Variants in VWF observed in about 807,000 individuals in gnomAD.
The protein encoded by VWF is von Willebrand factor.
In VWF, 176 loss-of-function variants were observed where a neutral mutation model predicts 308.6. That is an observed-to-expected ratio of 0.57 (90% CI 0.50 to 0.65). The LOEUF (loss-of-function observed/expected upper bound fraction) is 0.65, where lower values mean the gene tolerates loss of function less well. Among genes scored for constraint, VWF ranks in the 30% least tolerant of loss-of-function variants. The pLI is 0.00. For synonymous variants in VWF, 1,385 were observed against 1,443.4 expected (o/e 0.96, Z 0.92); for missense variants, 3,146 against 3,648.2 (o/e 0.86, Z 3.55).
In VWF at chr12:6,034,766, C is replaced by T. The variant is rs762512650; in HGVS notation, c.2607G>A (p.Thr869=). ...AGGTGAGGTAGTGGGCCATGCCGAT[C>T]GTGGAGCACGTGGCATCACACACAT... The part of the protein sequence containing the change: ...TDHVCDATCS[T]IGMAHYLTFD... The change falls in exon 20 of 52, where the codon ACG becomes ACA. Residue 869 remains threonine (T), a synonymous_variant. Coordinates refer to ENST00000261405, the MANE Select transcript of VWF (RefSeq NM_000552.5). 5 of 1,614,198 alleles carry T rather than the reference C, an allele frequency of 3.1e-6. No individual in the cohort carries two copies. The highest frequency in any genetic ancestry group is 1.1e-5 in the South Asian group (1 of 91,082).
rs553232584 is a variant in VWF, at chr12:6,036,256, C to T, written c.2546+132G>A. 8.0e-4 allele frequency: 602 copies of T among 754,884 alleles called. 3 individuals carry two copies. The highest frequency in any genetic ancestry group is 1.1e-3 in the Admixed American group (55 of 50,666). 46.8% of individuals were successfully genotyped at this position (754,884 alleles called of 1,614,324 possible). A position where few individuals can be genotyped will look rare whatever the true frequency, so the allele number is the denominator to read the frequency against. On this transcript the variant is annotated intron_variant, in intron 19 of 51. Coordinates refer to ENST00000261405, the MANE Select transcript of VWF (RefSeq NM_000552.5). ...TTTTACAGATGGAGAAACACAGGCA[C>T]GGAGGAAAGGCAGAGAGTAACCAGG... is the stretch of plus-strand genomic sequence containing the variant.
At chr12:5,974,528 A>T (rs970814520) in intron 43 of VWF, among the ~76,000 whole-genome samples, 1 of 152,204 alleles carries the variant, frequency 6.6e-6, no homozygotes, top group Non-Finnish European at 1.5e-5. Flanking sequence ...TGAACTGGAC[A>T]GCGGACCCGA....
intron 47 of VWF, among the ~76,000 whole-genome samples, chr12:5,961,647 G>A (rs2136347217): frequency 1.4e-5 from 2 of 141,106 alleles, no homozygotes. Flanking sequence ...CAAGGCTGAA[G>A]AATACAAGAT....
At chr12:5,954,008 TGA>T (rs1943221755) in intron 47 of VWF, 2 of 220,772 alleles carry the variant, frequency 9.1e-6, no homozygotes, top group Admixed American at 1.0e-4. Flanking sequence ...ACAAGAAATC[TGA>T]GAGTTATCCT....
At position 6,020,014 on chromosome 12, in the gene VWF, A is replaced by G. The variant is rs1297735767; in HGVS notation, c.3675-271T>C. The stretch of plus-strand genomic sequence containing the variant: ...TTAGCCCATCCTAGGATATGAAAAA[A>G]TATACTCGTTGTTCTAGGCCATCCA... On this transcript the variant is annotated intron_variant, in intron 27 of 51. Coordinates refer to ENST00000261405, the MANE Select transcript of VWF (RefSeq NM_000552.5). The surrounding 1 kb of genome is among the most constrained non-coding windows in gnomAD (Gnocchi z 4.3). 6.6e-6 allele frequency among the ~76,000 whole-genome samples: 1 copy of G among 152,236 alleles called. No homozygotes were observed. The highest frequency in any genetic ancestry group is 6.5e-5 in the Admixed American group (1 of 15,286).
chr12:6,034,050 C>T (rs1247030585), intron 20 of VWF, among the ~76,000 whole-genome samples: 1 of 152,254 alleles, frequency 6.6e-6, no homozygotes, highest in African/African-American at 2.4e-5. Flanking sequence ...GGGGCTGCTG[C>T]CCACACTCAC....
intron 41 of VWF, among the ~76,000 whole-genome samples, chr12:5,982,628 G>T (rs892695734): frequency 6.6e-6 from 1 of 152,126 alleles, no homozygotes. Flanking sequence ...GGACAAGAAC[G>T]CCAACGGAGT....
intron 50 of VWF, 148 bp downstream of exon 50, chr12:5,951,696 C>T: frequency 1.1e-6 from 1 of 899,886 alleles, no homozygotes; most frequent in Non-Finnish European, 1.8e-6. Context: ...AATGACTGAC[C>T]AGTGGTCACG....
chr12:5,953,676 C>T, intron 47 of VWF, 82 bp from the exon 48 acceptor site: 5 of 1,091,286 alleles, frequency 4.6e-6, no homozygotes, highest in East Asian at 4.7e-5. Flanking sequence ...TTGCTGGCCT[C>T]TCATCTCTCT....
rs61749404 is a variant in VWF at position 6,019,394 on chromosome 12, G to A, written c.4024C>T (p.Arg1342Cys). Residue 1342 changes from arginine to cysteine, a missense_variant, in exon 28 of 52, where the codon CGC (arginine) becomes TGC (cysteine). Around this residue, in one of 3 missense-constraint regions of VWF, gnomAD observed 853 missense variants for 1,177.8 expected, o/e 0.72. Transcript: ENST00000261405. This position sits in a 1 kb window ranked among gnomAD's most constrained non-coding sequence, Gnocchi z 5.8. Reference protein sequence around the residue: ...KDRKRPSELRRIASQVKYAGS... With the variant: ...KDRKRPSELRCIASQVKYAGS... ...GCATACTTCACCTGGCTGGCAATGC[G>A]CCGCAGCTCTGACGGTCGCTTCCGG... is the stretch of plus-strand genomic sequence containing the variant. The A allele has an allele frequency of 5.7e-5, 92 of 1,613,950 alleles. No individual in the cohort carries two copies. In the African/African-American group the frequency reaches 8.3e-4, roughly 14 times the overall value.
rs749720005 is a variant in VWF at position 5,983,199 on chromosome 12, G to A, written c.7032C>T (p.Leu2344=). 26 of 1,614,014 alleles carry A rather than the reference G, an allele frequency of 1.6e-5. No individual in the cohort carries two copies. The highest frequency in any genetic ancestry group is 4.4e-5 in the South Asian group (4 of 91,068). Residue 2344 remains leucine (L), a synonymous_variant, in exon 41 of 52, where the codon CTC becomes CTT. Transcript: ENST00000261405. ...CGCCAGGGTTGGTCAGTGTGGGCTG[G>A]AGGCCACGTTCACAGTGAGGCACTG... The part of the protein sequence containing the change: ...LPPVPHCERG[L]QPTLTNPGEC...
chr12:6,117,708 G>A (rs568303746), intron 3 of VWF, among the ~76,000 whole-genome samples: 1 of 152,248 alleles, frequency 6.6e-6, no homozygotes, highest in South Asian at 2.1e-4. Flanking sequence ...CCAGCTACTC[G>A]GGAGGCTGAG....
intron 5 of VWF, among the ~76,000 whole-genome samples, chr12:6,109,587 G>A (rs1038098479): frequency 6.6e-6 from 1 of 152,188 alleles, no homozygotes; most frequent in African/African-American, 2.4e-5. Context: ...GCTTTGGCAA[G>A]GGAACATCAC....
intron 15 of VWF, among the ~76,000 whole-genome samples, chr12:6,053,207 C>T (rs968536021): frequency 7.9e-5 from 12 of 152,150 alleles, no homozygotes; most frequent in African/African-American, 2.4e-4. Flanking sequence ...CTGGGAATGA[C>T]GGGCAAGGGC....
At position 6,012,261 on chromosome 12, in the gene VWF, G is replaced by T; in HGVS notation, c.5621-131C>A. The T allele has an allele frequency of 4.0e-6, 4 of 1,005,056 alleles. No individual in the cohort carries two copies. In the East Asian group the frequency reaches 7.1e-5, roughly 18 times the overall value. 62.3% of individuals were successfully genotyped at this position (1,005,056 alleles called of 1,614,324 possible). A position where few individuals can be genotyped will look rare whatever the true frequency, so the allele number is the denominator to read the frequency against. On this transcript the variant is annotated intron_variant, in intron 32 of 51. Coordinates refer to ENST00000261405, the MANE Select transcript of VWF (RefSeq NM_000552.5). ...CAACTCTGAAAAGAATCTGAACAAG[G>T]TTAACAGTGGAGACATAGGGACATG...
chr12:6,114,656 G>A (rs78324410), intron 3 of VWF, among the ~76,000 whole-genome samples: 10 of 152,172 alleles, frequency 6.6e-5, no homozygotes, highest in African/African-American at 1.4e-4. Flanking sequence ...GGACTCAAGC[G>A]AGTGCTGTTT....
chr12:6,114,800 G>A (rs1945345944), intron 3 of VWF, among the ~76,000 whole-genome samples: 1 of 152,200 alleles, frequency 6.6e-6, no homozygotes, highest in Non-Finnish European at 1.5e-5. Flanking sequence ...TGCCCTTGGA[G>A]CTTCACCTAC....
Position 5,971,606 on chromosome 12 carries a change from C to T in VWF, c.7541G>A (p.Trp2514Ter). ...CCGGGGGCCTGGACCTACACTCTTC[C>T]AGGAAGACTGGGAGTCCCCCCGCGG... is the stretch of plus-strand genomic sequence containing the variant. ...GSPRGDSQSS[W>*]KSVGSQWASP... Residue 2514 changes from tryptophan (W) to a stop codon, truncating the protein, a stop_gained, in exon 44 of 52, where the codon TGG becomes TAG. Coordinates refer to ENST00000261405, the MANE Select transcript of VWF (RefSeq NM_000552.5). LOFTEE classifies it high-confidence loss of function. 1 of 1,614,084 alleles carries T rather than the reference C, an allele frequency of 6.2e-7. No individual in the cohort carries two copies. Among genetic ancestry groups the T allele is most frequent in the Non-Finnish European group, 8.5e-7 (1 of 1,179,988 alleles).
Position 6,013,537 on chromosome 12 carries a change from T to G in VWF, c.5564A>C (p.Glu1855Ala). 6.2e-7 allele frequency: 1 copy of G among 1,614,136 alleles called. No homozygotes were observed. Among genetic ancestry groups the G allele is most frequent in the South Asian group, 1.1e-5 (1 of 91,070 alleles). Residue 1855 changes from glutamate (E) to alanine (A), a missense_variant, in exon 32 of 52, where the codon GAA becomes GCA. Around this residue, in one of 3 missense-constraint regions of VWF, gnomAD observed 853 missense variants for 1,177.8 expected, o/e 0.72. Transcript: ENST00000261405. ...CAAGGTGACCATGGTAGGGAGGTCTTCGATTCGCTGGAGCTTCACCACGTT... is the reference window on the plus strand; with the variant it reads ...CAAGGTGACCATGGTAGGGAGGTCTGCGATTCGCTGGAGCTTCACCACGTT... ...DSNVVKLQRI[E>A]DLPTMVTLGN...
Sources: allele counts gnomAD v4.1 joint callset (sites outside exome capture counted in the v4.1 genomes callset), GRCh38; gene constraint gnomAD v4.1.1; regional missense constraint gnomAD v4.1.1; non-coding constraint Gnocchi (gnomAD v3.1); transcripts MANE v1.5; gene names NCBI Gene and HGNC (gene_info 2026-07-23, HGNC 2026-07-21).